Variants in SELENOF observed in about 807,000 individuals in gnomAD.
SELENOF encodes selenoprotein F.
A neutral mutation model predicts 20.5 loss-of-function variants in SELENOF; 16 were observed. That is an observed-to-expected ratio of 0.78 (90% CI 0.53 to 1.19). The LOEUF (loss-of-function observed/expected upper bound fraction) is 1.19. SELENOF is among the 50% of genes most tolerant of loss of function. The pLI is 0.00. For missense variants in SELENOF, 215 were observed against 194.2 expected, an observed-to-expected ratio of 1.11 and a Z score of -0.64; for synonymous variants, 78 against 74.5, an observed-to-expected ratio of 1.05 and a Z score of -0.24.
At chr1:86,899,044 T>C (rs147482600) in intron 2 of SELENOF, among the ~76,000 whole-genome samples, 2,285 of 152,024 alleles carry the variant, frequency 0.015, 62 homozygotes, top group African/African-American at 0.052. Flanking sequence ...GCACCGCCCT[T>C]AATCCATTTA....
intron 2 of SELENOF, among the ~76,000 whole-genome samples, chr1:86,900,662 G>GGAGACGGAGACA (rs762665701): frequency 3.3e-5 from 5 of 151,792 alleles, no homozygotes; most frequent in Non-Finnish European, 5.9e-5. Flanking sequence ...AGAGGGAGAG[G>GGAGACGGAGACA]GAGACGGAGA....
chr1:86,887,335 G>A, intron 2 of SELENOF: 2 of 1,010,044 alleles, frequency 2.0e-6, no homozygotes, highest in Non-Finnish European at 2.7e-6. Flanking sequence ...AAAATACAAA[G>A]CAATGAGTTT....
intron 4 of SELENOF, among the ~76,000 whole-genome samples, chr1:86,867,165 G>A (rs1658621683): frequency 6.6e-6 from 1 of 151,964 alleles, no homozygotes; most frequent in Non-Finnish European, 1.5e-5. Context: ...TAACATTCTG[G>A]AAAAGGCAAA....
intron 3 of SELENOF, among the ~76,000 whole-genome samples, chr1:86,871,353 CAA>C (rs1358845921): frequency 6.6e-6 from 1 of 152,074 alleles, no homozygotes; most frequent in Non-Finnish European, 1.5e-5. Context: ...CATAAAGAAA[CAA>C]GAAACAAAAT....
intron 2 of SELENOF, among the ~76,000 whole-genome samples, chr1:86,894,617 T>C (rs558003671): frequency 4.5e-4 from 69 of 152,280 alleles, no homozygotes; most frequent in Admixed American, 1.6e-3. Context: ...AGGGAGAGGA[T>C]AGCTTGAGGC....
chr1:86,880,260 C>T (rs950495550), intron 3 of SELENOF, among the ~76,000 whole-genome samples: 8 of 152,098 alleles, frequency 5.3e-5, no homozygotes, highest in East Asian at 1.9e-4. Flanking sequence ...CTCCGCCTCC[C>T]GAGTAGCTGG....
At chr1:86,904,886 C>T (rs374859385) in intron 1 of SELENOF, among the ~76,000 whole-genome samples, 1 of 152,182 alleles carries the variant, frequency 6.6e-6, no homozygotes, top group Admixed American at 6.5e-5. Context: ...CTTAGCTTTA[C>T]ATGCCTTCTA....
chr1:86,897,684 C>T (rs1422547066), intron 2 of SELENOF, among the ~76,000 whole-genome samples: 1 of 152,160 alleles, frequency 6.6e-6, no homozygotes, highest in South Asian at 2.1e-4. Context: ...TTCCACAACC[C>T]TAGCTAATAA....
At chr1:86,866,090 G>A (rs1194455116) in intron 4 of SELENOF, among the ~76,000 whole-genome samples, 1 of 151,622 alleles carries the variant, frequency 6.6e-6, no homozygotes, top group African/African-American at 2.4e-5. Context: ...TCAGAATCTT[G>A]GGAGGCTGAG....
intron 1 of SELENOF, among the ~76,000 whole-genome samples, chr1:86,913,001 A>C (rs1162931537): frequency 6.6e-6 from 1 of 152,218 alleles, no homozygotes; most frequent in Non-Finnish European, 1.5e-5. Flanking sequence ...GAGGTGATCC[A>C]GTAATTCCTA....
intron 3 of SELENOF, among the ~76,000 whole-genome samples, chr1:86,874,651 T>TG (rs1306233821): frequency 6.6e-6 from 1 of 151,648 alleles, no homozygotes; most frequent in Non-Finnish European, 1.5e-5. Flanking sequence ...TATGTGGAAA[T>TG]GGGGGGATAA....
chr1:86,868,135 C>T, intron 3 of SELENOF, 33 bp from the exon 4 acceptor site: 1 of 1,085,802 alleles, frequency 9.2e-7, no homozygotes, highest in African/African-American at 1.6e-5. Flanking sequence ...TTCAGTAGTT[C>T]ACTTCCAAAT....
chr1:86,872,615 A>G (rs1658806129), intron 3 of SELENOF, among the ~76,000 whole-genome samples: 1 of 150,194 alleles, frequency 6.7e-6, no homozygotes, highest in Non-Finnish European at 1.5e-5. Context: ...TCCCAACCTC[A>G]GGTGATCCAC....
At chr1:86,899,204 A>C (rs1011205678) in intron 2 of SELENOF, among the ~76,000 whole-genome samples, 1 of 151,542 alleles carries the variant, frequency 6.6e-6, no homozygotes, top group Non-Finnish European at 1.5e-5. Flanking sequence ...CAGACACGGC[A>C]ACCATCCGAT....
intron 2 of SELENOF, among the ~76,000 whole-genome samples, chr1:86,894,641 C>T (rs1363368709): frequency 1.3e-5 from 2 of 152,086 alleles, no homozygotes; most frequent in Non-Finnish European, 2.9e-5. Context: ...GAGTTCAAGA[C>T]CAGTTTGGGC....
At chr1:86,866,500 T>A (rs559707372) in intron 4 of SELENOF, among the ~76,000 whole-genome samples, 2 of 152,152 alleles carry the variant, frequency 1.3e-5, no homozygotes, top group Non-Finnish European at 2.9e-5. Context: ...TTAATGGGCG[T>A]AGAGTTTCAG....
chr1:86,876,775 A>G (rs1658933613), intron 3 of SELENOF, among the ~76,000 whole-genome samples: 1 of 152,228 alleles, frequency 6.6e-6, no homozygotes, highest in Non-Finnish European at 1.5e-5. Context: ...AACAGAAGAG[A>G]AAGAAATGTT....
intron 1 of SELENOF, 58 bp downstream of exon 1, chr1:86,913,970 C>T (rs1660062339): frequency 6.7e-7 from 1 of 1,495,548 alleles, no homozygotes; most frequent in Non-Finnish European, 9.3e-7. Context: ...TTGCGTCTTT[C>T]TCAGCTGCAA....
chr1:86,900,430 A>G (rs1164032748), intron 2 of SELENOF, among the ~76,000 whole-genome samples: 5 of 151,778 alleles, frequency 3.3e-5, no homozygotes, highest in Non-Finnish European at 5.9e-5. Flanking sequence ...CACCAAAAAA[A>G]TACGAAAACC....
Sources: allele counts gnomAD v4.1 joint callset (sites outside exome capture counted in the v4.1 genomes callset), GRCh38; gene constraint gnomAD v4.1.1; transcripts MANE v1.5; gene names NCBI Gene and HGNC (gene_info 2026-07-23, HGNC 2026-07-21).